PDE4D: variants seen among roughly 807,000 people sequenced by gnomAD.
PDE4D encodes the protein 3',5'-cyclic-AMP phosphodiesterase 4D.
PDE4D carries 24 observed loss-of-function variants against 87.4 expected under a neutral mutation model. The ratio of observed to expected loss-of-function variants is 0.27; its 90% CI spans 0.20 to 0.39. The LOEUF is 0.39. Among genes scored for constraint, PDE4D ranks in the 10% least tolerant of loss-of-function variants. The pLI is 1.00. For missense variants in PDE4D, 714 were observed against 1,041.0 expected (o/e 0.69, Z 4.32); for synonymous variants, 384 against 383.2 (o/e 1.00, Z -0.02).
chr5:59,969,981 T>TACA (rs1760520412), intron 3 of PDE4D, among the ~76,000 whole-genome samples: 1 of 152,216 alleles, frequency 6.6e-6, no homozygotes, highest in Admixed American at 6.5e-5. Flanking sequence ...GCATGCACAC[T>TACA]ACAACAAAGA....
chr5:59,402,034 T>A (rs2153614555), intron 1 of PDE4D, among the ~76,000 whole-genome samples: 1 of 152,284 alleles, frequency 6.6e-6, no homozygotes, highest in South Asian at 2.1e-4. Flanking sequence ...GAATTCAAAA[T>A]CTGCAAGGAA....
At chr5:60,508,406 A>G (rs1374410417) in intron 1 of PDE4D, among the ~76,000 whole-genome samples, 12 of 152,372 alleles carry the variant, frequency 7.9e-5, no homozygotes, top group Middle Eastern at 3.4e-3. Context: ...ACCAGTAAAC[A>G]TCTGCTAAAA....
chr5:60,306,661 C>G (rs575970564), intron 1 of PDE4D, among the ~76,000 whole-genome samples: 3 of 151,974 alleles, frequency 2.0e-5, no homozygotes, highest in Admixed American at 2.0e-4. Context: ...GTATATTTCA[C>G]CAAATATAGA....
At chr5:59,638,588 GGCA>G (rs2150180971) in intron 1 of PDE4D, among the ~76,000 whole-genome samples, 1 of 152,182 alleles carries the variant, frequency 6.6e-6, no homozygotes, top group East Asian at 1.9e-4. Flanking sequence ...TTAACCTGAG[GGCA>G]GCAGGGCTTC....
chr5:59,185,178 G>T lies in PDE4D; in HGVS notation c.758+11C>A, dbSNP rs202215336. 2.0e-5 allele frequency: 32 copies of T among 1,605,406 alleles called. No individual in the cohort carries two copies. Among genetic ancestry groups the T allele is most frequent in the Non-Finnish European group, 1.1e-5 (13 of 1,173,528 alleles). On this transcript the variant is annotated intron_variant, in intron 4 of 14. Coordinates refer to ENST00000340635, the MANE Select transcript of PDE4D (RefSeq NM_001104631.2). ...TCAGCAAAAAAGAGGGGGGAAAAAAGGATATCTTACTTGCTAGGTGCTCGA... is the reference window on the plus strand; with the variant it reads ...TCAGCAAAAAAGAGGGGGGAAAAAATGATATCTTACTTGCTAGGTGCTCGA...
At chr5:59,641,949 A>T (rs1346342257) in intron 1 of PDE4D, among the ~76,000 whole-genome samples, 1 of 152,198 alleles carries the variant, frequency 6.6e-6, no homozygotes. Flanking sequence ...ATAAATGAAC[A>T]ATGGCAACAA....
In PDE4D at chr5:59,847,526, T is replaced by C. The variant is rs79918657; in HGVS notation, c.455+45642A>G. Among the ~76,000 whole-genome samples, 116 of 152,214 alleles carry C rather than the reference T, an allele frequency of 7.6e-4. 2 individuals carry two copies. In the East Asian group the frequency reaches 0.022, roughly 28 times the overall value. ...GTTCCAGGGATAACAGGAACCTTTC[T>C]TTTTTACCAGTCAAATTCTTCACGA... On this transcript the variant is annotated intron_variant, in intron 1 of 14. Coordinates refer to ENST00000340635, the MANE Select transcript of PDE4D (RefSeq NM_001104631.2).
At chr5:59,990,381 C>G (rs1024024397) in intron 2 of PDE4D, among the ~76,000 whole-genome samples, 4 of 152,152 alleles carry the variant, frequency 2.6e-5, no homozygotes, top group African/African-American at 9.7e-5. Context: ...GATGCTCACT[C>G]TTCACATTGA....
At chr5:60,356,503 T>C (rs1352901440) in intron 1 of PDE4D, among the ~76,000 whole-genome samples, 2 of 152,160 alleles carry the variant, frequency 1.3e-5, no homozygotes, top group Admixed American at 1.3e-4. Flanking sequence ...TGAATGATAA[T>C]TTTTATGAAT....
At chr5:59,674,660 C>T (rs958463895) in intron 1 of PDE4D, among the ~76,000 whole-genome samples, 2 of 152,078 alleles carry the variant, frequency 1.3e-5, no homozygotes, top group Non-Finnish European at 2.9e-5. Context: ...ATGAGTTATC[C>T]ATCTTACAGA....
At chr5:58,985,360 C>T (rs1474966601) in intron 11 of PDE4D, among the ~76,000 whole-genome samples, 2 of 152,232 alleles carry the variant, frequency 1.3e-5, no homozygotes, top group East Asian at 3.8e-4. Context: ...GAATTGTTCT[C>T]TCTGCTTGCA....
chr5:59,470,873 TA>T (rs1207301409), intron 1 of PDE4D, among the ~76,000 whole-genome samples: 5 of 152,020 alleles, frequency 3.3e-5, no homozygotes, highest in East Asian at 1.9e-4. Context: ...AAATATAACT[TA>T]AAAAAAATCA....
At chr5:59,619,009 A>G (rs182190923) in intron 1 of PDE4D, among the ~76,000 whole-genome samples, 3 of 152,308 alleles carry the variant, frequency 2.0e-5, no homozygotes, top group East Asian at 1.9e-4. Flanking sequence ...AGTTTTAGGT[A>G]TTTTGTTATA....
At chr5:59,462,889 TA>T (rs781293713) in intron 1 of PDE4D, among the ~76,000 whole-genome samples, 1 of 150,186 alleles carries the variant, frequency 6.7e-6, no homozygotes, top group Non-Finnish European at 1.5e-5. Context: ...TAATAACTTG[TA>T]AAAAGTTAAT....
intron 1 of PDE4D, among the ~76,000 whole-genome samples, chr5:60,469,572 G>C (rs370040170): frequency 1.2e-4 from 19 of 152,270 alleles, no homozygotes; most frequent in African/African-American, 4.3e-4. Context: ...TGGCAACCCT[G>C]GTTGAGCAAG....
At chr5:59,946,658 C>T (rs1339184643) in intron 3 of PDE4D, among the ~76,000 whole-genome samples, 1 of 152,200 alleles carries the variant, frequency 6.6e-6, no homozygotes, top group Non-Finnish European at 1.5e-5. Context: ...CAGGTTTTAA[C>T]AGTGAGGGGC....
chr5:60,286,069 C>T (rs1469703565), intron 1 of PDE4D, among the ~76,000 whole-genome samples: 1 of 152,124 alleles, frequency 6.6e-6, no homozygotes, highest in Non-Finnish European at 1.5e-5. Context: ...GCAAACAGGA[C>T]GCCCGTTTAA....
At chr5:59,046,169 A>G (rs1331404518) in intron 5 of PDE4D, among the ~76,000 whole-genome samples, 1 of 152,238 alleles carries the variant, frequency 6.6e-6, no homozygotes, top group South Asian at 2.1e-4. Context: ...TATTTATGAC[A>G]GAAGGTGAGA....
intron 1 of PDE4D, among the ~76,000 whole-genome samples, chr5:59,228,022 T>C (rs890652625): frequency 2.6e-5 from 4 of 152,084 alleles, no homozygotes; most frequent in South Asian, 2.1e-4. Flanking sequence ...GAATGATAGA[T>C]TGGATAAAGA....
Sources: allele counts gnomAD v4.1 joint callset (sites outside exome capture counted in the v4.1 genomes callset), GRCh38; gene constraint gnomAD v4.1.1; transcripts MANE v1.5; gene names NCBI Gene and HGNC (gene_info 2026-07-23, HGNC 2026-07-21).